ATP11B: variants seen among roughly 807,000 people sequenced by gnomAD.
The protein encoded by ATP11B is ATPase phospholipid transporting 11B (putative).
A neutral mutation model predicts 157.8 loss-of-function variants in ATP11B; 81 were observed. The observed-to-expected ratio is 0.51, with a 90% CI of 0.43 to 0.62. The LOEUF (loss-of-function observed/expected upper bound fraction) is 0.62. ATP11B is among the 20% of genes least tolerant of loss of function. The pLI, the probability that ATP11B is intolerant of heterozygous loss-of-function variation, is 0.00. For missense variants in ATP11B, 1,165 were observed against 1,402.2 expected (o/e 0.83, Z 2.70); for synonymous variants, 451 against 469.4 (o/e 0.96, Z 0.51).
chr3:182,793,748 G>T lies in ATP11B; in HGVS notation c.-12G>T. On this transcript the variant is annotated 5_prime_UTR_variant, in exon 1 of 30. Coordinates refer to ENST00000323116, the MANE Select transcript of ATP11B (RefSeq NM_014616.3). ...CCGCGCCCCGCGGGACCCGGACGGC[G>T]ACGACGGGGGAATGTGGCGCTGGAT... The T allele has an allele frequency of 7.1e-7, 1 of 1,409,642 alleles. No individual in the cohort carries two copies. The highest frequency in any genetic ancestry group is 1.4e-5 in the South Asian group (1 of 72,120). 87.3% of individuals were successfully genotyped at this position (1,409,642 alleles called of 1,614,324 possible).
At chr3:182,873,756 T>TTAAAATACAGTCA in intron 18 of ATP11B, 56 bp from the exon 19 acceptor site, 1 of 1,441,732 alleles carries the variant, frequency 6.9e-7, no homozygotes, top group Non-Finnish European at 9.7e-7. Context: ...GTAGTTTAAC[T>TTAAAATACAGTCA]TAAAATACAG....
intron 7 of ATP11B, among the ~76,000 whole-genome samples, chr3:182,837,516 A>G (rs1181174768): frequency 1.3e-5 from 2 of 152,092 alleles, no homozygotes; most frequent in African/African-American, 2.4e-5. Context: ...GGTAAGCTCC[A>G]TGAAGCCAGG....
intron 11 of ATP11B, among the ~76,000 whole-genome samples, chr3:182,858,477 A>T (rs1380064800): frequency 2.0e-5 from 3 of 152,194 alleles, no homozygotes; most frequent in Admixed American, 1.3e-4. Context: ...TTAAACATGG[A>T]CTACCAAGAG....
chr3:182,904,373 G>T (rs1431220053), intron 28 of ATP11B, among the ~76,000 whole-genome samples: 1 of 152,192 alleles, frequency 6.6e-6, no homozygotes, highest in Non-Finnish European at 1.5e-5. Flanking sequence ...CACTAGGTGG[G>T]CATTTGTTCA....
intron 14 of ATP11B, among the ~76,000 whole-genome samples, chr3:182,866,934 T>A (rs1721285910): frequency 6.7e-6 from 1 of 148,912 alleles, no homozygotes; most frequent in Admixed American, 6.7e-5. Context: ...TATATATATT[T>A]TTTTTTCTTT....
At chr3:182,896,089 C>A (rs1723531926) in intron 25 of ATP11B, among the ~76,000 whole-genome samples, 1 of 152,152 alleles carries the variant, frequency 6.6e-6, no homozygotes, top group Non-Finnish European at 1.5e-5. Context: ...GAGATAAAAT[C>A]CTGAAACTCT....
chr3:182,917,944 CT>C, intron 29 of ATP11B, 78 bp from the exon 30 acceptor site: 1 of 1,562,252 alleles, frequency 6.4e-7, no homozygotes, highest in South Asian at 1.2e-5. Flanking sequence ...CATTTGGGTC[CT>C]AAGTTTTAGA....
intron 29 of ATP11B, chr3:182,915,066 C>T: frequency 1.0e-6 from 1 of 985,268 alleles, no homozygotes; most frequent in Non-Finnish European, 1.2e-6. Context: ...CTCCTATCTA[C>T]TGGAAAAAGG....
intron 2 of ATP11B, among the ~76,000 whole-genome samples, chr3:182,824,700 T>A (rs1717599579): frequency 6.6e-6 from 1 of 152,194 alleles, no homozygotes; most frequent in Non-Finnish European, 1.5e-5. Context: ...AATGTGGATG[T>A]TTAAAGAAGT....
intron 17 of ATP11B, among the ~76,000 whole-genome samples, chr3:182,871,290 C>T (rs1228781927): frequency 6.6e-6 from 1 of 152,074 alleles, no homozygotes; most frequent in Non-Finnish European, 1.5e-5. Flanking sequence ...AGAGCAAGAC[C>T]CTGTCTCTAA....
chr3:182,889,690 T>A, intron 25 of ATP11B, 142 bp downstream of exon 25: 1 of 772,674 alleles, frequency 1.3e-6, no homozygotes, highest in Non-Finnish European at 1.9e-6. Context: ...ATTTTGTGGT[T>A]AAATAATAAA....
intron 6 of ATP11B, 101 bp downstream of exon 6, chr3:182,836,571 A>G: frequency 1.5e-6 from 2 of 1,347,022 alleles, no homozygotes; most frequent in Non-Finnish European, 2.0e-6. Context: ...TGACCAGATT[A>G]AGGGGAAGTT....
At chr3:182,812,643 A>G (rs61430937) in intron 1 of ATP11B, among the ~76,000 whole-genome samples, 21,788 of 152,248 alleles carry the variant, frequency 0.14, 1,982 homozygotes, top group African/African-American at 0.26. Context: ...ATTATGGCCA[A>G]ATAGGACTTG....
chr3:182,858,887 TTTTG>T (rs1720623116), intron 11 of ATP11B, among the ~76,000 whole-genome samples: 1 of 152,164 alleles, frequency 6.6e-6, no homozygotes, highest in African/African-American at 2.4e-5. Context: ...ATACCAGGCT[TTTTG>T]TTAGCTTCTG....
In ATP11B at chr3:182,919,743, T is replaced by C. The variant is rs542504602; in HGVS notation, c.*1639T>C. The stretch of plus-strand genomic sequence containing the variant: ...AATTAAGACTTTATCCTTGTTTGCT[T>C]GTAAACTATTATTTTCTTGCTAATG... On this transcript the variant is annotated 3_prime_UTR_variant, in exon 30 of 30. Transcript: ENST00000323116. 12 of 152,330 alleles carry C rather than the reference T, an allele frequency of 7.9e-5. 1 individual carries two copies. The highest frequency in any genetic ancestry group is 5.9e-4 in the Admixed American group (9 of 15,302). 9.4% of individuals were successfully genotyped at this position (152,330 alleles called of 1,614,324 possible).
At chr3:182,907,504 A>G (rs1724453129) in intron 28 of ATP11B, among the ~76,000 whole-genome samples, 1 of 152,264 alleles carries the variant, frequency 6.6e-6, no homozygotes, top group Admixed American at 6.5e-5. Context: ...CTCTGTTATT[A>G]AATATCATCA....
intron 2 of ATP11B, among the ~76,000 whole-genome samples, chr3:182,821,150 C>T (rs1218204580): frequency 6.6e-6 from 1 of 152,054 alleles, no homozygotes; most frequent in African/African-American, 2.4e-5. Context: ...CGCTGTGTCA[C>T]CCAGGCTGGA....
intron 28 of ATP11B, among the ~76,000 whole-genome samples, chr3:182,908,724 C>T (rs1724560508): frequency 6.6e-6 from 1 of 152,166 alleles, no homozygotes; most frequent in South Asian, 2.1e-4. Flanking sequence ...ACCTGGCTAT[C>T]TCCATTGCAG....
intron 7 of ATP11B, among the ~76,000 whole-genome samples, chr3:182,838,278 G>A (rs1718710768): frequency 6.6e-6 from 1 of 151,916 alleles, no homozygotes; most frequent in Admixed American, 6.6e-5. Context: ...AGAATTTTAA[G>A]ATTTCTATAT....
Sources: gnomAD v4.1 joint callset for allele counts (sites outside exome capture counted in the v4.1 genomes callset) on GRCh38, gnomAD v4.1.1 for gene constraint, MANE v1.5 for transcripts, NCBI Gene and HGNC (gene_info 2026-07-23, HGNC 2026-07-21) for gene names.